The following SMIM13 variants were observed in gnomAD, a reference collection of about 807,000 sequenced individuals.
SMIM13 encodes UPF0766 protein C6orf228.
In SMIM13, 3 loss-of-function variants were observed where a neutral mutation model predicts 5.9. The ratio of observed to expected loss-of-function variants is 0.51; its 90% CI spans 0.23 to 1.31. SMIM13 has a LOEUF of 1.31. Ranked by LOEUF, SMIM13 falls within the 40% of genes most tolerant of loss-of-function variation. SMIM13 has a pLI of 0.18. For missense variants in SMIM13, 85 were observed against 109.9 expected, an observed-to-expected ratio of 0.77 and a Z score of 1.01; for synonymous variants, 55 against 46.0, an observed-to-expected ratio of 1.19 and a Z score of -0.79.
At position 11,136,725 on chromosome 6, in the gene SMIM13, T is replaced by G. The variant is rs1384322535; in HGVS notation, c.*2123T>G. ...TCTTTATTAGATACAATTTTCTATT[T>G]TTATGTGACTCTAGGGCATAACAAA... On this transcript the variant is annotated 3_prime_UTR_variant, in exon 2 of 2. Transcript: ENST00000416247. 6.6e-6 allele frequency: 1 copy of G among 152,048 alleles called. No homozygotes were observed. Among genetic ancestry groups the G allele is most frequent in the Non-Finnish European group, 1.5e-5 (1 of 67,986 alleles). The allele number at this position is 152,048 out of a possible 1,614,324, so 9.4% of individuals were successfully genotyped here. A position where few individuals can be genotyped will look rare whatever the true frequency, so the allele number is the denominator to read the frequency against.
intron 1 of SMIM13, among the ~76,000 whole-genome samples, chr6:11,123,905 G>A (rs1359409995): frequency 1.3e-5 from 2 of 152,014 alleles, no homozygotes; most frequent in East Asian, 1.9e-4. Flanking sequence ...GTACATATAT[G>A]GGGTACATGA....
At chr6:11,121,701 A>G (rs1006659854) in intron 1 of SMIM13, among the ~76,000 whole-genome samples, 12 of 152,224 alleles carry the variant, frequency 7.9e-5, no homozygotes, top group African/African-American at 2.9e-4. Flanking sequence ...CACTCATTGT[A>G]TAAAAGAGAA....
intron 1 of SMIM13, among the ~76,000 whole-genome samples, chr6:11,097,524 C>T (rs182469832): frequency 1.3e-4 from 20 of 152,022 alleles, no homozygotes; most frequent in Admixed American, 5.2e-4. Context: ...AAAAATTTGC[C>T]GGGCATGATG....
At chr6:11,104,828 G>C (rs765281057) in intron 1 of SMIM13, 9 of 1,614,206 alleles carry the variant, frequency 5.6e-6, no homozygotes, top group Non-Finnish European at 6.8e-6. Flanking sequence ...GGTTGTGGGT[G>C]TATGTTTGGT....
intron 1 of SMIM13, among the ~76,000 whole-genome samples, chr6:11,132,392 A>T (rs1413643477): frequency 6.6e-6 from 1 of 152,196 alleles, no homozygotes; most frequent in Non-Finnish European, 1.5e-5. Flanking sequence ...TGACCCAGCA[A>T]TTCCCTTCTA....
chr6:11,104,436 A>T (rs1329904470), intron 1 of SMIM13: 3 of 1,551,644 alleles, frequency 1.9e-6, no homozygotes, highest in Admixed American at 2.0e-5. Context: ...TTGAGTTTTA[A>T]GGCATGTAGA....
chr6:11,097,471 C>T (rs549647542), intron 1 of SMIM13, among the ~76,000 whole-genome samples: 1 of 151,378 alleles, frequency 6.6e-6, no homozygotes, highest in East Asian at 1.9e-4. Flanking sequence ...GCCTGGCCAA[C>T]ATGGCGAATC....
In SMIM13 at chr6:11,106,751, A is replaced by G. The variant is rs149758947; in HGVS notation, c.76+12362A>G. 5.0e-3 allele frequency among the ~76,000 whole-genome samples: 756 copies of G among 152,276 alleles called. 1 individual carries two copies. The highest frequency in any genetic ancestry group is 0.024 in the South Asian group (114 of 4,818). Reference sequence around the variant, plus strand: ...GTTTAGTTAGCTAACCTATTTCCCTATGCAGTTTCATTAGAGCCCCTTTGG... The same window carrying G: ...GTTTAGTTAGCTAACCTATTTCCCTGTGCAGTTTCATTAGAGCCCCTTTGG... On this transcript the variant is annotated intron_variant, in intron 1 of 1. Coordinates refer to ENST00000416247, the MANE Select transcript of SMIM13 (RefSeq NM_001135575.2).
In SMIM13 at chr6:11,119,158, C is replaced by G. The variant is rs137958441; in HGVS notation, c.77-15245C>G. ...GTGGGAACAAAATGCTGAAGAAGAA[C>G]TCTTTTCTGCCATAGAGATGGGGAG... On this transcript the variant is annotated intron_variant, in intron 1 of 1. Coordinates refer to ENST00000416247, the MANE Select transcript of SMIM13 (RefSeq NM_001135575.2). Among the ~76,000 whole-genome samples the G allele has an allele frequency of 4.4e-3, 666 of 152,294 alleles. 3 individuals carry two copies. The highest frequency in any genetic ancestry group is 0.015 in the African/African-American group (633 of 41,568).
intron 1 of SMIM13, among the ~76,000 whole-genome samples, chr6:11,123,144 C>T (rs1758332368): frequency 6.6e-6 from 1 of 152,148 alleles, no homozygotes; most frequent in Non-Finnish European, 1.5e-5. Flanking sequence ...CAGTTTAGGG[C>T]AGAGATTCTA....
chr6:11,097,484 C>T (rs564987439), intron 1 of SMIM13, among the ~76,000 whole-genome samples: 28 of 149,970 alleles, frequency 1.9e-4, no homozygotes, highest in African/African-American at 6.2e-4. Flanking sequence ...GGCGAATCCC[C>T]GTCTGTGCTA....
chr6:11,129,078 C>CG (rs138712581), intron 1 of SMIM13, among the ~76,000 whole-genome samples: 32,838 of 148,566 alleles, frequency 0.22, 3,932 homozygotes, highest in East Asian at 0.43. Flanking sequence ...CTACCGGGAG[C>CG]GGGGGGGGGA....
At chr6:11,117,387 G>A (rs1281527229) in intron 1 of SMIM13, among the ~76,000 whole-genome samples, 1 of 151,116 alleles carries the variant, frequency 6.6e-6, no homozygotes, top group Non-Finnish European at 1.5e-5. Context: ...CAGGTGGCCA[G>A]GATGGTCTCA....
At position 11,104,148 on chromosome 6, in the gene SMIM13, A is replaced by G. The variant is rs528010611; in HGVS notation, c.76+9759A>G. 49 of 1,551,632 alleles carry G rather than the reference A, an allele frequency of 3.2e-5. 2 individuals carry two copies. The South Asian group carries it at 4.0e-4, about 13-fold the overall frequency. ...AGCCATGGTGTCAATGTTGTTGGCT[A>G]TTTCCTTTGAGAGCTGGCTATAGGT... On this transcript the variant is annotated intron_variant, in intron 1 of 1. Transcript: ENST00000416247.
intron 1 of SMIM13, among the ~76,000 whole-genome samples, chr6:11,111,992 C>T (rs1758174225): frequency 6.6e-6 from 1 of 151,514 alleles, no homozygotes; most frequent in Admixed American, 6.6e-5. Context: ...CTTGAGCCCA[C>T]TTGCCCAGCT....
At chr6:11,129,146 A>G (rs1249611363) in intron 1 of SMIM13, among the ~76,000 whole-genome samples, 1 of 151,322 alleles carries the variant, frequency 6.6e-6, no homozygotes, top group Non-Finnish European at 1.5e-5. Context: ...CTCTAATTGT[A>G]TTTTTATACC....
At chr6:11,128,161 C>T (rs1038381584) in intron 1 of SMIM13, among the ~76,000 whole-genome samples, 1 of 152,200 alleles carries the variant, frequency 6.6e-6, no homozygotes, top group Non-Finnish European at 1.5e-5. Flanking sequence ...GAGTCTCACT[C>T]AAGGCCCTCA....
At chr6:11,112,258 C>CA (rs1758177959) in intron 1 of SMIM13, among the ~76,000 whole-genome samples, 1 of 145,614 alleles carries the variant, frequency 6.9e-6, no homozygotes, top group Non-Finnish European at 1.5e-5. Flanking sequence ...GAACTGCTTG[C>CA]TTTTTTTTTT....
intron 1 of SMIM13, among the ~76,000 whole-genome samples, chr6:11,133,740 T>G (rs944642950): frequency 6.9e-6 from 1 of 145,040 alleles, no homozygotes; most frequent in Non-Finnish European, 1.5e-5. Context: ...CAAAACTTGT[T>G]TTTTTTTTTT....
Sources: allele counts gnomAD v4.1 joint callset (sites outside exome capture counted in the v4.1 genomes callset), GRCh38; gene constraint gnomAD v4.1.1; transcripts MANE v1.5; gene names NCBI Gene and HGNC (gene_info 2026-07-23, HGNC 2026-07-21).